Variants in ZBTB16 observed in about 807,000 individuals in gnomAD.
The protein encoded by ZBTB16 is zinc finger and BTB domain-containing protein 16.
ZBTB16 carries 8 observed loss-of-function variants against 56.8 expected under a neutral mutation model. That is an observed-to-expected ratio of 0.14 (90% CI 0.08 to 0.25). The LOEUF is 0.25. ZBTB16 is among the 10% of genes least tolerant of loss of function. The pLI, the probability that ZBTB16 is intolerant of heterozygous loss-of-function variation, is 1.00. For synonymous variants in ZBTB16, 363 were observed against 368.5 expected (o/e 0.98, Z 0.17); for missense variants, 625 against 903.0 (o/e 0.69, Z 3.95).
intron 2 of ZBTB16, among the ~76,000 whole-genome samples, chr11:114,079,634 G>A (rs1180428515): frequency 6.6e-6 from 1 of 152,188 alleles, no homozygotes; most frequent in Non-Finnish European, 1.5e-5. Flanking sequence ...CTTTTGGGAG[G>A]GTAGATGTGA....
At chr11:114,182,457 G>A (rs1162990292) in intron 3 of ZBTB16, among the ~76,000 whole-genome samples, 4 of 152,058 alleles carry the variant, frequency 2.6e-5, no homozygotes, top group African/African-American at 9.7e-5. Flanking sequence ...TAAACTCCCT[G>A]AGGGCAGGGA....
chr11:114,157,353 C>T (rs1207404000), intron 3 of ZBTB16, among the ~76,000 whole-genome samples: 1 of 152,196 alleles, frequency 6.6e-6, no homozygotes, highest in Non-Finnish European at 1.5e-5. Context: ...TTGTGAACCT[C>T]AGTTTCTGCA....
intron 4 of ZBTB16, among the ~76,000 whole-genome samples, chr11:114,190,313 G>A (rs1943462661): frequency 6.6e-6 from 1 of 152,140 alleles, no homozygotes; most frequent in South Asian, 2.1e-4. Context: ...CCCATCATAA[G>A]TAGAAAAGAT....
At chr11:114,104,924 G>C (rs1940735193) in intron 2 of ZBTB16, among the ~76,000 whole-genome samples, 1 of 152,136 alleles carries the variant, frequency 6.6e-6, no homozygotes, top group Admixed American at 6.5e-5. Context: ...GCATCAGAAG[G>C]GGAGTGTGTC....
chr11:114,153,053 C>T (rs1311116047), intron 2 of ZBTB16, among the ~76,000 whole-genome samples: 5 of 152,220 alleles, frequency 3.3e-5, no homozygotes, highest in Admixed American at 1.3e-4. Flanking sequence ...CTCCAGGAAT[C>T]GGTTGGAATT....
chr11:114,081,811 A>G (rs1939772606), intron 2 of ZBTB16, among the ~76,000 whole-genome samples: 1 of 152,172 alleles, frequency 6.6e-6, no homozygotes, highest in South Asian at 2.1e-4. Flanking sequence ...TTTGGCAGGA[A>G]TGAGGGTGAT....
chr11:114,100,045 A>G (rs567359976), intron 2 of ZBTB16, among the ~76,000 whole-genome samples: 47 of 152,292 alleles, frequency 3.1e-4, no homozygotes, highest in African/African-American at 1.1e-3. Context: ...GAGCACCCCA[A>G]AGCAGCTGCA....
intron 3 of ZBTB16, among the ~76,000 whole-genome samples, chr11:114,161,319 T>A (rs1201324112): frequency 2.6e-5 from 4 of 152,190 alleles, no homozygotes. Context: ...TGTGGCCTGC[T>A]CCTATTCTGG....
chr11:114,071,041 A>G (rs1362920896), intron 2 of ZBTB16, among the ~76,000 whole-genome samples: 1 of 152,114 alleles, frequency 6.6e-6, no homozygotes, highest in Non-Finnish European at 1.5e-5. Context: ...CGTGAGCCTT[A>G]ACTTCTTCAT....
intron 2 of ZBTB16, among the ~76,000 whole-genome samples, chr11:114,126,884 G>A (rs1201452192): frequency 2.0e-5 from 3 of 152,192 alleles, no homozygotes; most frequent in South Asian, 2.1e-4. Flanking sequence ...TCTGCCTGAC[G>A]AAATTGTGGT....
chr11:114,217,696 C>A (rs549580012), intron 4 of ZBTB16, among the ~76,000 whole-genome samples: 1 of 152,080 alleles, frequency 6.6e-6, no homozygotes, highest in Non-Finnish European at 1.5e-5. Context: ...TCACTGAGAC[C>A]GTGAGAGTAG....
chr11:114,096,550 A>G (rs578191998), intron 2 of ZBTB16, among the ~76,000 whole-genome samples: 1 of 152,202 alleles, frequency 6.6e-6, no homozygotes, highest in South Asian at 2.1e-4. Flanking sequence ...ACATATGCCT[A>G]TGTTTTTTTA....
chr11:114,159,528 G>A (rs1322843546), intron 3 of ZBTB16, among the ~76,000 whole-genome samples: 3 of 152,104 alleles, frequency 2.0e-5, no homozygotes, highest in African/African-American at 7.2e-5. Flanking sequence ...TCCGTGCTGA[G>A]AGGTCTTGAA....
chr11:114,102,080 G>A (rs1272536685), intron 2 of ZBTB16, among the ~76,000 whole-genome samples: 1 of 152,152 alleles, frequency 6.6e-6, no homozygotes, highest in African/African-American at 2.4e-5. Flanking sequence ...AGCATGCCAG[G>A]GATGGCAGTG....
intron 3 of ZBTB16, among the ~76,000 whole-genome samples, chr11:114,182,743 G>A (rs1212907623): frequency 2.6e-5 from 4 of 152,168 alleles, no homozygotes; most frequent in African/African-American, 7.2e-5. Context: ...TGTATTAGTG[G>A]CTGCATGATG....
intron 2 of ZBTB16, among the ~76,000 whole-genome samples, chr11:114,065,335 C>T (rs1393022650): frequency 6.6e-6 from 1 of 152,188 alleles, no homozygotes; most frequent in Non-Finnish European, 1.5e-5. Flanking sequence ...ATTCATTGAG[C>T]TCTTATGACA....
intron 5 of ZBTB16, among the ~76,000 whole-genome samples, chr11:114,245,684 C>T (rs949361327): frequency 1.3e-5 from 2 of 152,138 alleles, no homozygotes; most frequent in Non-Finnish European, 2.9e-5. Context: ...GGCACGAGCG[C>T]AGTTTGACAT....
chr11:114,173,252 G>A (rs1943017442), intron 3 of ZBTB16, among the ~76,000 whole-genome samples: 1 of 152,206 alleles, frequency 6.6e-6, no homozygotes, highest in Admixed American at 6.5e-5. Context: ...GTATTATTAG[G>A]CTGAGAAGGG....
intron 2 of ZBTB16, among the ~76,000 whole-genome samples, chr11:114,132,657 G>T (rs1211290607): frequency 6.6e-6 from 1 of 152,172 alleles, no homozygotes; most frequent in East Asian, 1.9e-4. Flanking sequence ...TCTGGATATT[G>T]TTCCATTGTT....
Sources: gnomAD v4.1 joint callset for allele counts (sites outside exome capture counted in the v4.1 genomes callset) on GRCh38, gnomAD v4.1.1 for gene constraint, MANE v1.5 for transcripts, NCBI Gene and HGNC (gene_info 2026-07-23, HGNC 2026-07-21) for gene names.